The following HOXA3 variants were observed in gnomAD, a reference collection of about 807,000 sequenced individuals.
The protein encoded by HOXA3 is homeobox protein Hox-A3.
HOXA3 carries 8 observed loss-of-function variants against 30.3 expected under a neutral mutation model. The observed-to-expected ratio is 0.26, with a 90% CI of 0.15 to 0.48. HOXA3 has a LOEUF of 0.48. Among genes scored for constraint, HOXA3 ranks in the 20% least tolerant of loss-of-function variants. The pLI, the probability that HOXA3 is intolerant of heterozygous loss-of-function variation, is 0.99. For missense variants in HOXA3, 653 were observed against 614.4 expected, an observed-to-expected ratio of 1.06 and a Z score of -0.66; for synonymous variants, 323 against 273.1, an observed-to-expected ratio of 1.18 and a Z score of -1.80.
In HOXA3 at chr7:27,152,404, C is replaced by A. The variant is rs919314029; in HGVS notation, c.-610G>T. ...AGGACGCAGGAAATTAGCCAGGTTG[C>A]GAGTTGCAAAGCTGCTGCCGCGGCG... is the stretch of plus-strand genomic sequence containing the variant. On this transcript the variant is annotated 5_prime_UTR_variant, in exon 1 of 6. Transcript: ENST00000612286. 5 of 1,167,674 alleles carry A rather than the reference C, an allele frequency of 4.3e-6. No homozygotes were observed. In the Admixed American group the frequency reaches 1.2e-4, roughly 27 times the overall value. 72.3% of individuals were successfully genotyped at this position (1,167,674 alleles called of 1,614,324 possible).
intron 2 of HOXA3, chr7:27,128,720 G>T (rs1785387290): frequency 5.7e-6 from 1 of 175,118 alleles, no homozygotes; most frequent in Admixed American, 5.4e-5. Context: ...CTACCATCAA[G>T]GTCTACACAT....
rs577473562 is a variant in HOXA3, at chr7:27,141,997, G to A, written c.-493-1811C>T. 3.7e-6 allele frequency: 6 copies of A among 1,614,214 alleles called. No individual in the cohort carries two copies. In the African/African-American group the frequency reaches 5.3e-5, roughly 14 times the overall value. The stretch of plus-strand genomic sequence containing the variant: ...TCCTCCTTCTGCGGGTCAGGTAACG[G>A]TTGAAGTGGAACTCCTTCTCCAGCT... On this transcript the variant is annotated intron_variant, in intron 1 of 5. Coordinates refer to ENST00000612286, the MANE Select transcript of HOXA3 (RefSeq NM_153631.3).
intron 2 of HOXA3, chr7:27,128,966 T>C: frequency 1.8e-6 from 1 of 553,310 alleles, no homozygotes; most frequent in Non-Finnish European, 3.2e-6. Flanking sequence ...CCTTCTCAGG[T>C]ATCCACACCT....
chr7:27,126,648 T>A (rs17500702), intron 3 of HOXA3, among the ~76,000 whole-genome samples: 2 of 152,202 alleles, frequency 1.3e-5, no homozygotes, highest in Non-Finnish European at 2.9e-5. Flanking sequence ...TTCTATAATC[T>A]GGGTTTTGTA....
At chr7:27,136,325 G>A (rs997656997) in intron 2 of HOXA3, among the ~76,000 whole-genome samples, 1 of 152,196 alleles carries the variant, frequency 6.6e-6, no homozygotes, top group African/African-American at 2.4e-5. Flanking sequence ...TGTTAAATCA[G>A]CCTATGACCT....
chr7:27,147,310 G>C (rs1354675182), intron 1 of HOXA3: 1 of 1,612,600 alleles, frequency 6.2e-7, no homozygotes, highest in South Asian at 1.1e-5. Context: ...TGTCTTACCC[G>C]CGCAGGAGTT....
chr7:27,114,827 A>AATATATATTAT (rs1554336676), intron 4 of HOXA3, among the ~76,000 whole-genome samples: 1 of 98,520 alleles, frequency 1.0e-5, no homozygotes, highest in African/African-American at 4.0e-5. Context: ...ATATATATAT[A>AATATATATTAT]ATATATATTA....
chr7:27,146,051 G>C, intron 1 of HOXA3: 1 of 1,043,838 alleles, frequency 9.6e-7, no homozygotes, highest in Non-Finnish European at 1.4e-6. Context: ...ACTATGTCTG[G>C]GGCCCAAAGC....
chr7:27,143,652 G>C, intron 1 of HOXA3: 1 of 1,548,968 alleles, frequency 6.5e-7, no homozygotes, highest in South Asian at 1.3e-5. Flanking sequence ...GCGGTCGTTT[G>C]TGCGTCTATA....
At chr7:27,141,919 G>A (rs1782584488) in intron 1 of HOXA3, 3 of 1,614,196 alleles carry the variant, frequency 1.9e-6, no homozygotes, top group Non-Finnish European at 2.5e-6. Flanking sequence ...TCCGGTTTTG[G>A]AACCAGATTT....
rs538585158 is a variant in HOXA3 at position 27,107,982 on chromosome 7, G to A, written c.1265C>T (p.Thr422Met). ...PGPGEPHPTY[T>M]DLTGHHPSQG... is the part of the protein sequence containing the mutation. The stretch of plus-strand genomic sequence containing the variant: ...AGAAGGATGGTGGCCGGTAAGGTCC[G>A]TGTAGGTGGGGTGCGGCTCCCCAGG... The change falls in exon 6 of 6, where the codon ACG (threonine) becomes ATG (methionine). Residue 422 changes from threonine to methionine, a missense_variant. Physicochemically the swap from Thr to Met is moderately conservative, Grantham distance 81. Around this residue, in one of 3 missense-constraint regions of HOXA3, gnomAD observed 330 missense variants for 274.4 expected, o/e 1.20. Coordinates refer to ENST00000612286, the MANE Select transcript of HOXA3 (RefSeq NM_153631.3). The A allele has an allele frequency of 1.9e-6, 3 of 1,610,924 alleles. No individual in the cohort carries two copies. The highest frequency in any genetic ancestry group is 1.1e-5 in the South Asian group (1 of 90,888).
intron 4 of HOXA3, among the ~76,000 whole-genome samples, chr7:27,117,706 C>T (rs1332365874): frequency 6.6e-6 from 1 of 152,194 alleles, no homozygotes; most frequent in Non-Finnish European, 1.5e-5. Flanking sequence ...ATCCTCCATC[C>T]CCTGCCTGAA....
At chr7:27,145,368 C>T (rs1381228575) in intron 1 of HOXA3, 3 of 446,108 alleles carry the variant, frequency 6.7e-6, no homozygotes, top group African/African-American at 5.9e-5. Context: ...ACTCCGGAGC[C>T]GGTTTGGGCA....
rs548100315 is a variant in HOXA3 at position 27,139,303 on chromosome 7, G to A, written c.-390+780C>T. 7.9e-5 allele frequency among the ~76,000 whole-genome samples: 12 copies of A among 152,298 alleles called. No individual in the cohort carries two copies. In the South Asian group the frequency reaches 2.5e-3, roughly 32 times the overall value. ...GCAGGCAAACAGGGTTCAGGGCCTG[G>A]TCCCGGGTGCGGGGGAGGGGGTCCT... On this transcript the variant is annotated intron_variant, in intron 2 of 5. Transcript: ENST00000612286.
intron 1 of HOXA3, chr7:27,151,110 G>T (rs535554532): frequency 1.5e-3 from 239 of 154,420 alleles, no homozygotes; most frequent in Admixed American, 2.3e-3. Flanking sequence ...ACGGGCTAAC[G>T]TCCTAAACAT....
chr7:27,139,141 A>C (rs543207751), intron 2 of HOXA3, among the ~76,000 whole-genome samples: 1 of 152,362 alleles, frequency 6.6e-6, no homozygotes, highest in South Asian at 2.1e-4. Flanking sequence ...AGAAAGGCAA[A>C]GCGGAAGAAA....
intron 2 of HOXA3, among the ~76,000 whole-genome samples, chr7:27,137,524 A>T (rs1785752369): frequency 6.6e-6 from 1 of 152,204 alleles, no homozygotes; most frequent in Admixed American, 6.5e-5. Flanking sequence ...CTGCAAGAAC[A>T]ACCCAAAAGA....
At chr7:27,138,854 G>C (rs1785797061) in intron 2 of HOXA3, among the ~76,000 whole-genome samples, 1 of 152,208 alleles carries the variant, frequency 6.6e-6, no homozygotes, top group Admixed American at 6.5e-5. Flanking sequence ...ACTGACAAAG[G>C]ACCAATTTCT....
intron 2 of HOXA3, chr7:27,128,777 A>T (rs1785389170): frequency 4.9e-6 from 1 of 203,262 alleles, no homozygotes; most frequent in Admixed American, 5.2e-5. Flanking sequence ...CTACTCATTT[A>T]TTCAGTTAAA....
Sources: gnomAD v4.1 joint callset for allele counts (sites outside exome capture counted in the v4.1 genomes callset) on GRCh38, gnomAD v4.1.1 for gene constraint, gnomAD v4.1.1 regional missense constraint, MANE v1.5 for transcripts, NCBI Gene and HGNC (gene_info 2026-07-23, HGNC 2026-07-21) for gene names.